The following DGKI variants were observed in gnomAD, a reference collection of about 807,000 sequenced individuals.
The protein encoded by DGKI is diacylglycerol kinase iota, also known as DAG kinase iota.
DGKI carries 55 observed loss-of-function variants against 147.5 expected under a neutral mutation model. That is an observed-to-expected ratio of 0.37 (90% CI 0.30 to 0.47). The LOEUF is 0.47. Among genes scored for constraint, DGKI ranks in the 20% least tolerant of loss-of-function variants. The pLI is 1.00. For synonymous variants in DGKI, 469 were observed against 477.1 expected, an observed-to-expected ratio of 0.98 and a Z score of 0.22; for missense variants, 1,007 against 1,323.8, an observed-to-expected ratio of 0.76 and a Z score of 3.71.
At chr7:137,429,290 C>T (rs1812961297) in intron 28 of DGKI, among the ~76,000 whole-genome samples, 1 of 151,666 alleles carries the variant, frequency 6.6e-6, no homozygotes. Flanking sequence ...CTGAGAAAAA[C>T]AAGCAATGGG....
intron 19 of DGKI, among the ~76,000 whole-genome samples, chr7:137,562,526 A>C (rs1818452217): frequency 6.6e-6 from 1 of 152,072 alleles, no homozygotes; most frequent in African/African-American, 2.4e-5. Flanking sequence ...CAAGAGCAAA[A>C]CTCCATATCA....
In DGKI at chr7:137,536,300, A is replaced by G. The variant is rs80107460; in HGVS notation, c.2148-14334T>C. Among the ~76,000 whole-genome samples the G allele has an allele frequency of 7.2e-5, 11 of 152,312 alleles. No homozygotes were observed. In the East Asian group the frequency reaches 1.9e-3, roughly 27 times the overall value. On this transcript the variant is annotated intron_variant, in intron 20 of 32. Coordinates refer to ENST00000614521, the MANE Select transcript of DGKI (RefSeq NM_001321708.2). Reference sequence around the variant, plus strand: ...TTCTCATCTAGGGAATGAGACTAGTAGCAACTGTGACCTTAGAAGTTAGTA... The same window carrying G: ...TTCTCATCTAGGGAATGAGACTAGTGGCAACTGTGACCTTAGAAGTTAGTA...
At chr7:137,801,495 G>A (rs1013952301) in intron 1 of DGKI, among the ~76,000 whole-genome samples, 1 of 152,202 alleles carries the variant, frequency 6.6e-6, no homozygotes, top group Non-Finnish European at 1.5e-5. Flanking sequence ...GGACCCTCCA[G>A]TTTCTAACCA....
At chr7:137,613,956 A>C (rs1820449231) in intron 8 of DGKI, among the ~76,000 whole-genome samples, 1 of 152,190 alleles carries the variant, frequency 6.6e-6, no homozygotes, top group African/African-American at 2.4e-5. Flanking sequence ...AAAACTCTGC[A>C]TATATCATAG....
chr7:137,386,482 A>T lies in DGKI; in HGVS notation c.*4738T>A, dbSNP rs2128890443. 6.6e-6 allele frequency: 1 copy of T among 152,314 alleles called. No individual in the cohort carries two copies. 9.4% of individuals were successfully genotyped at this position (152,314 alleles called of 1,614,324 possible). On this transcript the variant is annotated 3_prime_UTR_variant, in exon 33 of 33. Coordinates refer to ENST00000614521, the MANE Select transcript of DGKI (RefSeq NM_001321708.2). Reference sequence around the variant, plus strand: ...CTTGCCATAATTCTATAAGATGATCAAGGTCAGTGGACATCCATGTGTCCT... The same window carrying T: ...CTTGCCATAATTCTATAAGATGATCTAGGTCAGTGGACATCCATGTGTCCT...
intron 1 of DGKI, among the ~76,000 whole-genome samples, chr7:137,793,865 C>T (rs1348411442): frequency 6.6e-6 from 1 of 152,080 alleles, no homozygotes; most frequent in Non-Finnish European, 1.5e-5. Context: ...ACAAATTAGT[C>T]CCCTTCCATT....
At chr7:137,422,174 T>C (rs553677410) in intron 28 of DGKI, among the ~76,000 whole-genome samples, 1 of 152,324 alleles carries the variant, frequency 6.6e-6, no homozygotes, top group South Asian at 2.1e-4. Flanking sequence ...GTGAATTAAT[T>C]TGCTTTGAGC....
At chr7:137,559,059 A>ATTTT (rs1427453296) in intron 19 of DGKI, among the ~76,000 whole-genome samples, 6 of 132,314 alleles carry the variant, frequency 4.5e-5, no homozygotes, top group South Asian at 2.4e-4. Context: ...TGTACCTACA[A>ATTTT]TTCTTTTTTT....
intron 1 of DGKI, among the ~76,000 whole-genome samples, chr7:137,812,148 C>T (rs145588939): frequency 6.6e-6 from 1 of 152,156 alleles, no homozygotes; most frequent in Non-Finnish European, 1.5e-5. Context: ...TGAGGAGAAC[C>T]AGTCTAGTGT....
At chr7:137,700,240 T>C (rs1823930264) in intron 1 of DGKI, among the ~76,000 whole-genome samples, 1 of 152,158 alleles carries the variant, frequency 6.6e-6, no homozygotes, top group African/African-American at 2.4e-5. Context: ...CAGGTGAAGA[T>C]ACTTTAGCAA....
At chr7:137,724,847 C>A (rs944973590) in intron 1 of DGKI, among the ~76,000 whole-genome samples, 1 of 152,090 alleles carries the variant, frequency 6.6e-6, no homozygotes, top group Non-Finnish European at 1.5e-5. Context: ...TATAAAGTTA[C>A]AGGAACAGAT....
intron 1 of DGKI, among the ~76,000 whole-genome samples, chr7:137,766,868 T>G (rs947726429): frequency 2.6e-5 from 4 of 152,184 alleles, no homozygotes; most frequent in Admixed American, 6.5e-5. Flanking sequence ...CTGCAGCAGG[T>G]GCACAGCCCC....
At chr7:137,589,849 A>G (rs1819545074) in intron 12 of DGKI, among the ~76,000 whole-genome samples, 1 of 151,920 alleles carries the variant, frequency 6.6e-6, no homozygotes, top group Non-Finnish European at 1.5e-5. Flanking sequence ...CAATCATTCA[A>G]CCTCTCCTTT....
intron 23 of DGKI, among the ~76,000 whole-genome samples, chr7:137,481,539 A>C (rs1307623573): frequency 6.6e-6 from 1 of 152,096 alleles, no homozygotes; most frequent in African/African-American, 2.4e-5. Flanking sequence ...TTGACCTCAG[A>C]GATGGTGTAG....
intron 1 of DGKI, among the ~76,000 whole-genome samples, chr7:137,781,926 G>T (rs752248700): frequency 3.3e-5 from 5 of 152,130 alleles, no homozygotes; most frequent in Admixed American, 6.5e-5. Context: ...TGTCAAAATG[G>T]CTCTAAACAT....
intron 21 of DGKI, among the ~76,000 whole-genome samples, chr7:137,510,798 T>A (rs1249284389): frequency 2.6e-5 from 4 of 152,204 alleles, no homozygotes; most frequent in African/African-American, 9.6e-5. Flanking sequence ...AGAAAAATTT[T>A]CTAAAATCAG....
intron 15 of DGKI, 50 bp from the exon 16 acceptor site, chr7:137,578,375 C>T (rs151262550): frequency 5.0e-6 from 7 of 1,387,646 alleles, no homozygotes; most frequent in African/African-American, 4.3e-5. Flanking sequence ...CTAAAGGTAG[C>T]GACTTAGATT....
chr7:137,415,452 T>C (rs73730610), intron 28 of DGKI, among the ~76,000 whole-genome samples: 1 of 152,282 alleles, frequency 6.6e-6, no homozygotes, highest in African/African-American at 2.4e-5. Context: ...GACTTGAACA[T>C]CTGTAGATTT....
chr7:137,789,623 A>T (rs1796787706), intron 1 of DGKI, among the ~76,000 whole-genome samples: 1 of 152,234 alleles, frequency 6.6e-6, no homozygotes, highest in South Asian at 2.1e-4. Context: ...GAGGAAAAAA[A>T]AACACACAAA....
Sources: allele counts gnomAD v4.1 joint callset (sites outside exome capture counted in the v4.1 genomes callset), GRCh38; gene constraint gnomAD v4.1.1; transcripts MANE v1.5; gene names NCBI Gene and HGNC (gene_info 2026-07-23, HGNC 2026-07-21).